Variants in LAMB1 observed in about 807,000 individuals in gnomAD.
LAMB1 encodes the protein laminin subunit beta 1.
LAMB1 carries 121 observed loss-of-function variants against 222.3 expected under a neutral mutation model. That is an observed-to-expected ratio of 0.54 (90% confidence interval 0.47 to 0.63). LAMB1 has a LOEUF of 0.63. Ranked by LOEUF, LAMB1 falls within the 30% of genes least tolerant of loss-of-function variation. The pLI is 0.00. For missense variants in LAMB1, 2,172 were observed against 2,240.8 expected (o/e 0.97, Z 0.62); for synonymous variants, 794 against 807.2 (o/e 0.98, Z 0.28).
rs757801065 is a variant in LAMB1 at position 107,975,465 on chromosome 7, CT to C, written c.1190-53del. Reference sequence around the variant, plus strand: ...AAAATCAGGAGGAAACTCAATGTATCTTTGTATAAATACATATATTCCCTTC... The same window carrying C: ...AAAATCAGGAGGAAACTCAATGTATCTTGTATAAATACATATATTCCCTTC... On this transcript the variant is annotated intron_variant, in intron 10 of 33. Coordinates refer to ENST00000222399, the MANE Select transcript of LAMB1 (RefSeq NM_002291.3). 13 of 1,491,730 alleles carry C rather than the reference CT, an allele frequency of 8.7e-6. No individual in the cohort carries two copies. The South Asian group carries it at 1.5e-4, about 18-fold the overall frequency. 92.4% of individuals were successfully genotyped at this position (1,491,730 alleles called of 1,614,324 possible). A position where few individuals can be genotyped will look rare whatever the true frequency, so the allele number is the denominator to read the frequency against.
intron 31 of LAMB1, among the ~76,000 whole-genome samples, chr7:107,926,809 A>G (rs1462910804): frequency 6.6e-6 from 1 of 152,182 alleles, no homozygotes; most frequent in Non-Finnish European, 1.5e-5. Context: ...GATTTCAGCT[A>G]ATTACTGAAG....
chr7:107,994,334 T>C (rs1447789329), intron 5 of LAMB1, among the ~76,000 whole-genome samples: 1 of 152,218 alleles, frequency 6.6e-6, no homozygotes, highest in Non-Finnish European at 1.5e-5. Flanking sequence ...TAAGGAACTG[T>C]AAAACTGTTC....
Position 107,961,675 on chromosome 7 carries a change from A to G in LAMB1, c.1859T>C (p.Leu620Pro). 6.2e-7 allele frequency: 1 copy of G among 1,612,832 alleles called. No homozygotes were observed. Among genetic ancestry groups the G allele is most frequent in the Non-Finnish European group, 8.5e-7 (1 of 1,178,902 alleles). The change falls in exon 16 of 34, where the codon CTA becomes CCA. Residue 620 changes from leucine (L) to proline (P), a missense_variant and splice_region_variant. By Grantham distance (98) the Leu-to-Pro change is moderately conservative (BLOSUM62 -3). Coordinates refer to ENST00000222399, the MANE Select transcript of LAMB1 (RefSeq NM_002291.3). ...YDILIRYEPQ[L>P]PDHWEKAVIT... ...GACAGCTTTTTCCCAGTGGTCGGGT[A>G]GCTAGAATAAGAAACAAACAATGAA... is the stretch of plus-strand genomic sequence containing the variant.
intron 17 of LAMB1, among the ~76,000 whole-genome samples, 158 bp from the exon 18 acceptor site, chr7:107,960,807 C>T (rs1195328990): frequency 6.6e-6 from 1 of 152,226 alleles, no homozygotes; most frequent in Non-Finnish European, 1.5e-5. Context: ...TTCCTAAATA[C>T]TCTTGGCAGG....
Position 107,978,054 on chromosome 7 carries a change from G to C in LAMB1, c.993C>G (p.Ala331=). The C allele has an allele frequency of 6.2e-7, 1 of 1,614,146 alleles. No individual in the cohort carries two copies. Among genetic ancestry groups the C allele is most frequent in the Non-Finnish European group, 8.5e-7 (1 of 1,180,034 alleles). The change falls in exon 9 of 34, where the codon GCC becomes GCG. Residue 331 remains alanine, a synonymous_variant. Transcript: ENST00000222399. Reference sequence around the variant, plus strand: ...CCTTCAACACAGACTTACTTTTACAGGCGTTGCTGTTTCGGCCTTCAGCAG... The same window carrying C: ...CCTTCAACACAGACTTACTTTTACACGCGTTGCTGTTTCGGCCTTCAGCAG... The part of the protein sequence containing the change: ...WRPAEGRNSN[A]CKKCNCNEHS...
chr7:107,982,442 G>A (rs997630195), intron 7 of LAMB1, among the ~76,000 whole-genome samples: 1 of 152,156 alleles, frequency 6.6e-6, no homozygotes, highest in African/African-American at 2.4e-5. Context: ...AATGGCTGCG[G>A]GTAGAAAGGA....
intron 24 of LAMB1, among the ~76,000 whole-genome samples, chr7:107,945,340 C>A (rs1021415865): frequency 1.3e-5 from 2 of 152,208 alleles, no homozygotes; most frequent in Non-Finnish European, 2.9e-5. Context: ...TCACATAGAC[C>A]TAACTTGCCT....
intron 26 of LAMB1, among the ~76,000 whole-genome samples, chr7:107,936,036 T>C (rs2032839465): frequency 6.6e-6 from 1 of 152,204 alleles, no homozygotes. Flanking sequence ...TAGCCCTCCA[T>C]ATTTGTAGGT....
chr7:107,990,691 T>C (rs1477354495), intron 5 of LAMB1, among the ~76,000 whole-genome samples: 1 of 152,268 alleles, frequency 6.6e-6, no homozygotes, highest in Non-Finnish European at 1.5e-5. Flanking sequence ...ATTTCATGGT[T>C]CAGCTTTTGA....
chr7:107,975,623 T>C lies in LAMB1; in HGVS notation c.1189+66A>G, dbSNP rs11760290. ...CTCATACTATGAGCTCTGAGACTAC[T>C]GACTATTCAGTTTGGAAGGCAATCT... On this transcript the variant is annotated intron_variant, in intron 10 of 33. Coordinates refer to ENST00000222399, the MANE Select transcript of LAMB1 (RefSeq NM_002291.3). The C allele has an allele frequency of 0.095, 138,632 of 1,460,220 alleles. 7,086 individuals carry two copies. Among genetic ancestry groups the C allele is most frequent in the Admixed American group, 0.16 (8,261 of 52,640 alleles). The allele number at this position is 1,460,220 out of a possible 1,614,324, so 90.5% of individuals were successfully genotyped here.
intron 4 of LAMB1, among the ~76,000 whole-genome samples, chr7:107,997,819 C>T (rs2034308634): frequency 6.6e-6 from 1 of 152,180 alleles, no homozygotes. Flanking sequence ...GGGTGTAATT[C>T]ATGCAATCAC....
intron 22 of LAMB1, 152 bp downstream of exon 22, chr7:107,953,378 G>T: frequency 1.6e-6 from 1 of 610,194 alleles, no homozygotes; most frequent in Non-Finnish European, 2.9e-6. Context: ...AAAAAAAATT[G>T]GTCTCATCTT....
intron 3 of LAMB1, among the ~76,000 whole-genome samples, chr7:108,000,599 A>T (rs1333652919): frequency 6.6e-6 from 1 of 152,254 alleles, no homozygotes; most frequent in Non-Finnish European, 1.5e-5. Context: ...GCTGGAATGC[A>T]GTGGACTGAT....
chr7:107,931,532 ACTTTCATT>A, intron 28 of LAMB1, 32 bp from the exon 29 acceptor site: 1 of 1,600,760 alleles, frequency 6.2e-7, no homozygotes, highest in Non-Finnish European at 8.5e-7. Flanking sequence ...CCCAGGGAAG[ACTTTCATT>A]CTTTCTAAAG....
chr7:107,929,033 T>C (rs1427134568), intron 31 of LAMB1, 31 bp downstream of exon 31: 2 of 1,604,426 alleles, frequency 1.2e-6, no homozygotes, highest in Non-Finnish European at 1.7e-6. Context: ...GTAGGTGTGT[T>C]CCCATTCATG....
At chr7:107,976,241 G>T (rs1300636029) in intron 9 of LAMB1, among the ~76,000 whole-genome samples, 1 of 152,184 alleles carries the variant, frequency 6.6e-6, no homozygotes, top group African/African-American at 2.4e-5. Context: ...CTGGATGGAA[G>T]AACACTGTAG....
chr7:107,924,412 A>C, intron 32 of LAMB1, 23 bp from the exon 33 acceptor site: 1 of 1,567,468 alleles, frequency 6.4e-7, no homozygotes, highest in Middle Eastern at 1.7e-4. Flanking sequence ...ATTTAGACAG[A>C]AAGAAGTGGT....
At chr7:107,940,779 C>T (rs2032962748) in intron 24 of LAMB1, among the ~76,000 whole-genome samples, 1 of 152,194 alleles carries the variant, frequency 6.6e-6, no homozygotes, top group Admixed American at 6.5e-5. Context: ...CTCTTCACCT[C>T]CGTCCTGCCT....
At chr7:107,968,112 C>G (rs2033670732) in intron 13 of LAMB1, among the ~76,000 whole-genome samples, 1 of 152,138 alleles carries the variant, frequency 6.6e-6, no homozygotes, top group African/African-American at 2.4e-5. Context: ...CATCTTTTCC[C>G]TCCCAGCTCG....
Sources: allele counts gnomAD v4.1 joint callset (sites outside exome capture counted in the v4.1 genomes callset), GRCh38; gene constraint gnomAD v4.1.1; transcripts MANE v1.5; gene names NCBI Gene and HGNC (gene_info 2026-07-23, HGNC 2026-07-21).